Variants in YEATS2 observed in about 807,000 individuals in gnomAD.
The protein encoded by YEATS2 is YEATS domain-containing protein 2.
YEATS2 carries 77 observed loss-of-function variants against 163.2 expected under a neutral mutation model. The ratio of observed to expected loss-of-function variants is 0.47; its 90% CI spans 0.39 to 0.57. The LOEUF is 0.57. YEATS2 is among the 20% of genes least tolerant of loss of function. The probability of loss-of-function intolerance (pLI) is 0.00; values close to 1 mark genes in which losing one functional copy is unlikely to be tolerated. For synonymous variants in YEATS2, 631 were observed against 645.1 expected (o/e 0.98, Z 0.33); for missense variants, 1,549 against 1,729.8 (o/e 0.90, Z 1.85).
chr3:183,749,097 C>T (rs996160405), intron 9 of YEATS2, among the ~76,000 whole-genome samples: 11 of 152,076 alleles, frequency 7.2e-5, no homozygotes, highest in African/African-American at 2.7e-4. Flanking sequence ...CACCCGCCAC[C>T]ACGCCCGGCT....
chr3:183,733,999 C>T (rs76886207), intron 7 of YEATS2, among the ~76,000 whole-genome samples: 4,225 of 152,172 alleles, frequency 0.028, 185 homozygotes, highest in African/African-American at 0.095. Flanking sequence ...CGGGCCAGCT[C>T]GCCAGAGGAA....
At chr3:183,765,353 A>G (rs1368774695) in intron 15 of YEATS2, among the ~76,000 whole-genome samples, 5 of 152,120 alleles carry the variant, frequency 3.3e-5, no homozygotes, top group Admixed American at 3.3e-4. Context: ...CATATTGCCA[A>G]TCCACTCCTC....
intron 21 of YEATS2, among the ~76,000 whole-genome samples, chr3:183,797,683 G>A (rs746671937): frequency 1.5e-4 from 23 of 151,738 alleles, no homozygotes; most frequent in South Asian, 6.2e-4. Flanking sequence ...CCGAGATCGC[G>A]TCAGCCTGGG....
Position 183,754,138 on chromosome 3 carries a change from G to A in YEATS2, c.1163G>A (p.Ser388Asn). The A allele has an allele frequency of 6.3e-7, 1 of 1,576,042 alleles. No individual in the cohort carries two copies. Residue 388 changes from serine to asparagine, a missense_variant, in exon 11 of 31, where the codon AGC becomes AAC. Transcript: ENST00000305135. ...TCATCTCAAGCAGGATTCCCAGCTAGCACTGAAGCTGAACGACACACTCCG... is the reference window on the plus strand; with the variant it reads ...TCATCTCAAGCAGGATTCCCAGCTAACACTGAAGCTGAACGACACACTCCG... ...DTSVEKGFPASTEAERHTPFY... is the reference protein window; with the variant it reads ...DTSVEKGFPANTEAERHTPFY...
intron 15 of YEATS2, among the ~76,000 whole-genome samples, chr3:183,764,977 G>A (rs2109370423): frequency 6.6e-6 from 1 of 152,292 alleles, no homozygotes; most frequent in South Asian, 2.1e-4. Context: ...GGGAATCTGG[G>A]TTTTTAATAA....
At chr3:183,795,572 G>T (rs1379970495) in intron 21 of YEATS2, among the ~76,000 whole-genome samples, 1 of 150,476 alleles carries the variant, frequency 6.6e-6, no homozygotes, top group East Asian at 2.0e-4. Context: ...AAGTGCTGGG[G>T]TTACAGGTGT....
intron 4 of YEATS2, 115 bp downstream of exon 4, chr3:183,718,707 GT>G (rs926533264): frequency 1.9e-4 from 170 of 904,866 alleles, no homozygotes; most frequent in East Asian, 3.5e-4. Flanking sequence ...TTGTTTTTTG[GT>G]TTTTTTTTGA....
intron 21 of YEATS2, among the ~76,000 whole-genome samples, chr3:183,792,650 T>C (rs1724770567): frequency 6.6e-6 from 1 of 152,108 alleles, no homozygotes. Context: ...CCCGACTAGC[T>C]GGGATTACAG....
intron 1 of YEATS2, among the ~76,000 whole-genome samples, chr3:183,708,090 A>G (rs1279570852): frequency 6.6e-6 from 1 of 151,574 alleles, no homozygotes; most frequent in Non-Finnish European, 1.5e-5. Context: ...GATACCTCAT[A>G]TGATATATGG....
At chr3:183,761,162 A>G (rs928487829) in intron 13 of YEATS2, among the ~76,000 whole-genome samples, 1 of 151,672 alleles carries the variant, frequency 6.6e-6, no homozygotes, top group East Asian at 1.9e-4. Context: ...ATCTCGGCTC[A>G]CCACAACCTC....
chr3:183,778,947 C>A (rs552370585), intron 19 of YEATS2, among the ~76,000 whole-genome samples: 1 of 151,998 alleles, frequency 6.6e-6, no homozygotes, highest in Non-Finnish European at 1.5e-5. Flanking sequence ...TTGTTTATTT[C>A]TTTTCTTTTT....
At chr3:183,759,722 A>G (rs1398135792) in intron 13 of YEATS2, among the ~76,000 whole-genome samples, 1 of 152,212 alleles carries the variant, frequency 6.6e-6, no homozygotes, top group Non-Finnish European at 1.5e-5. Context: ...AGCAATATGC[A>G]CTTAGCGAGC....
At chr3:183,717,098 G>C (rs752089055) in intron 2 of YEATS2, among the ~76,000 whole-genome samples, 1 of 151,918 alleles carries the variant, frequency 6.6e-6, no homozygotes, top group Non-Finnish European at 1.5e-5. Context: ...TCACCATGTT[G>C]TCCAGGCTGG....
intron 25 of YEATS2, 134 bp from the exon 26 acceptor site, chr3:183,803,122 A>G (rs1407235936): frequency 8.0e-6 from 7 of 880,442 alleles, no homozygotes; most frequent in Non-Finnish European, 1.1e-5. Flanking sequence ...GTTAGGCTGC[A>G]TCTGAGCTTG....
chr3:183,804,033 A>C lies in YEATS2; in HGVS notation c.3629A>C (p.Glu1210Ala), dbSNP rs765033468. The C allele has an allele frequency of 1.2e-6, 2 of 1,614,136 alleles. No individual in the cohort carries two copies. The highest frequency in any genetic ancestry group is 1.7e-6 in the Non-Finnish European group (2 of 1,180,028). Residue 1210 changes from glutamate (E) to alanine (A), a missense_variant, in exon 27 of 31, where the codon GAG becomes GCG. Glu to Ala is a moderately radical substitution (Grantham distance 107). Coordinates refer to ENST00000305135, the MANE Select transcript of YEATS2 (RefSeq NM_018023.5). ...TMRKVLQEIL[E>A]KNPRFHHLTP... ...CGAAAAGTCTTACAAGAAATCCTGGAGAAGAATCCGAGATTTCACCACCTG... is the reference window on the plus strand; with the variant it reads ...CGAAAAGTCTTACAAGAAATCCTGGCGAAGAATCCGAGATTTCACCACCTG...
chr3:183,803,837 T>C lies in YEATS2; in HGVS notation c.3583-150T>C. The C allele has an allele frequency of 2.6e-6, 2 of 773,946 alleles. 1 individual carries two copies. The highest frequency in any genetic ancestry group is 3.8e-5 in the South Asian group (2 of 52,196). The allele number at this position is 773,946 out of a possible 1,614,324, so 47.9% of individuals were successfully genotyped here. ...CATTAGGGAAGTTCGACTTTTTTTT[T>C]TAATGGGGAGTAACACAACCAGGTT... On this transcript the variant is annotated intron_variant, in intron 26 of 30. Transcript: ENST00000305135.
At chr3:183,720,152 G>T (rs978356701) in intron 4 of YEATS2, among the ~76,000 whole-genome samples, 9 of 152,108 alleles carry the variant, frequency 5.9e-5, no homozygotes, top group African/African-American at 1.9e-4. Flanking sequence ...AGGTTGTCCT[G>T]CTGGTGATAC....
chr3:183,804,035 A>G lies in YEATS2; in HGVS notation c.3631A>G (p.Lys1211Glu). 4 of 1,614,090 alleles carry G rather than the reference A, an allele frequency of 2.5e-6. No individual in the cohort carries two copies. The highest frequency in any genetic ancestry group is 2.5e-6 in the Non-Finnish European group (3 of 1,180,030). ...MRKVLQEILEKNPRFHHLTPL... is the reference protein window; with the variant it reads ...MRKVLQEILEENPRFHHLTPL... ...AAAAGTCTTACAAGAAATCCTGGAG[A>G]AGAATCCGAGATTTCACCACCTGAC... Residue 1211 changes from lysine (K) to glutamate (E), a missense_variant, in exon 27 of 31, where the codon AAG (lysine) becomes GAG (glutamate). Lys to Glu is a moderately conservative substitution (Grantham distance 56). Coordinates refer to ENST00000305135, the MANE Select transcript of YEATS2 (RefSeq NM_018023.5).
chr3:183,756,478 T>C, intron 11 of YEATS2, 50 bp from the exon 12 acceptor site: 1 of 1,468,766 alleles, frequency 6.8e-7, no homozygotes. Context: ...TCTTCTTACG[T>C]GAGTTGAATA....
Sources: allele counts gnomAD v4.1 joint callset (sites outside exome capture counted in the v4.1 genomes callset), GRCh38; gene constraint gnomAD v4.1.1; transcripts MANE v1.5; gene names NCBI Gene and HGNC (gene_info 2026-07-23, HGNC 2026-07-21).